PKIB: variants seen among roughly 807,000 people sequenced by gnomAD.
PKIB encodes the protein PKI-beta.
In PKIB, 2 loss-of-function variants were observed where a neutral mutation model predicts 4.5. The ratio of observed to expected loss-of-function variants is 0.44; its 90% CI spans 0.18 to 1.39. The LOEUF (loss-of-function observed/expected upper bound fraction) is 1.39. Ranked by LOEUF, PKIB falls within the 40% of genes most tolerant of loss-of-function variation. The pLI is 0.27. For synonymous variants in PKIB, 38 were observed against 36.0 expected, an observed-to-expected ratio of 1.06 and a Z score of -0.20; for missense variants, 94 against 92.6, an observed-to-expected ratio of 1.02 and a Z score of -0.06.
chr6:122,575,321 A>G (rs115243260), intron 2 of PKIB, among the ~76,000 whole-genome samples: 100 of 152,310 alleles, frequency 6.6e-4, no homozygotes, highest in African/African-American at 2.4e-3. Context: ...AATTAGTACA[A>G]CCACGATGGA....
chr6:122,560,250 A>C (rs1020221559), intron 2 of PKIB, among the ~76,000 whole-genome samples: 1 of 151,940 alleles, frequency 6.6e-6, no homozygotes, highest in African/African-American at 2.4e-5. Context: ...TTCAGTCACA[A>C]GAGATGTTGG....
intron 2 of PKIB, among the ~76,000 whole-genome samples, chr6:122,509,269 A>G (rs993228670): frequency 1.3e-5 from 2 of 152,180 alleles, no homozygotes; most frequent in Admixed American, 1.3e-4. Context: ...TATTTAGGAT[A>G]ATGATTATTA....
chr6:122,669,612 A>T (rs1400857378), intron 2 of PKIB, among the ~76,000 whole-genome samples: 1 of 152,100 alleles, frequency 6.6e-6, no homozygotes, highest in Non-Finnish European at 1.5e-5. Flanking sequence ...AAAATTGCTG[A>T]CATTTCTATT....
At chr6:122,682,445 AATTT>A (rs1777933605) in intron 3 of PKIB, among the ~76,000 whole-genome samples, 2 of 152,190 alleles carry the variant, frequency 1.3e-5, no homozygotes, top group East Asian at 1.9e-4. Flanking sequence ...TATAAAAAAT[AATTT>A]ATTTAAAGTA....
At chr6:122,560,574 C>A (rs889530331) in intron 2 of PKIB, among the ~76,000 whole-genome samples, 5 of 152,024 alleles carry the variant, frequency 3.3e-5, no homozygotes, top group African/African-American at 7.2e-5. Context: ...GGGAGGGTTC[C>A]TTCTTTCTCT....
chr6:122,720,031 T>C (rs919620354), intron 4 of PKIB, among the ~76,000 whole-genome samples: 2 of 152,188 alleles, frequency 1.3e-5, no homozygotes, highest in Non-Finnish European at 2.9e-5. Context: ...GATGTTATTA[T>C]GAATTTTAAA....
intron 2 of PKIB, among the ~76,000 whole-genome samples, chr6:122,578,379 A>G (rs1395393005): frequency 6.6e-6 from 1 of 152,108 alleles, no homozygotes; most frequent in Non-Finnish European, 1.5e-5. Context: ...CCTTTTCGGT[A>G]TCTTTCAAGC....
At chr6:122,540,699 G>A (rs1562244463) in intron 2 of PKIB, among the ~76,000 whole-genome samples, 2 of 152,040 alleles carry the variant, frequency 1.3e-5, no homozygotes, top group African/African-American at 4.8e-5. Context: ...AATTAGGTCT[G>A]CTTGGTGCAG....
chr6:122,687,316 A>G (rs529948177), intron 3 of PKIB, among the ~76,000 whole-genome samples: 5 of 152,058 alleles, frequency 3.3e-5, no homozygotes, highest in African/African-American at 4.8e-5. Context: ...ATTCTATTCC[A>G]TTGGTCTATA....
intron 2 of PKIB, among the ~76,000 whole-genome samples, chr6:122,490,260 T>C (rs1775900163): frequency 6.6e-6 from 1 of 152,234 alleles, no homozygotes; most frequent in Admixed American, 6.5e-5. Context: ...TATATAGTTA[T>C]GTTTGTAGTT....
rs529240010 is a variant in PKIB, at chr6:122,569,147, C to T, written c.-247-16774C>T. ...CCCAAGGAGAGTCAGAGCACAGACC[C>T]GCCTAACCCTATCCCCAACTGGCTG... On this transcript the variant is annotated intron_variant, in intron 2 of 6. Transcript: ENST00000392491. 2.0e-5 allele frequency among the ~76,000 whole-genome samples: 3 copies of T among 152,282 alleles called. No individual in the cohort carries two copies. In the South Asian group the frequency reaches 6.2e-4, roughly 32 times the overall value.
At chr6:122,704,945 C>T (rs764079382) in intron 3 of PKIB, among the ~76,000 whole-genome samples, 32 of 152,152 alleles carry the variant, frequency 2.1e-4, no homozygotes, top group Non-Finnish European at 4.0e-4. Flanking sequence ...GTAGCTCTAA[C>T]TATTCGGGAG....
intron 3 of PKIB, among the ~76,000 whole-genome samples, chr6:122,679,911 C>A (rs556877685): frequency 6.6e-6 from 1 of 152,260 alleles, no homozygotes; most frequent in African/African-American, 2.4e-5. Context: ...TGTATAAGGT[C>A]CCTTAGATAA....
At chr6:122,518,946 A>G (rs1445402097) in intron 2 of PKIB, among the ~76,000 whole-genome samples, 1 of 152,228 alleles carries the variant, frequency 6.6e-6, no homozygotes, top group Non-Finnish European at 1.5e-5. Context: ...TGAAATAGAA[A>G]GATGCCTCAC....
At chr6:122,506,867 T>C (rs963114694) in intron 2 of PKIB, among the ~76,000 whole-genome samples, 2 of 150,512 alleles carry the variant, frequency 1.3e-5, no homozygotes, top group African/African-American at 2.4e-5. Context: ...GCCCGGCTAA[T>C]TTTTTTTGTA....
At chr6:122,633,929 C>CCTATCTATCTAT (rs61254507) in intron 2 of PKIB, among the ~76,000 whole-genome samples, 21,189 of 145,796 alleles carry the variant, frequency 0.15, 1,592 homozygotes, top group South Asian at 0.17. Flanking sequence ...AGATATCTGT[C>CCTATCTATCTAT]CTATCTATCT....
At chr6:122,569,312 A>G (rs532158221) in intron 2 of PKIB, among the ~76,000 whole-genome samples, 2 of 152,322 alleles carry the variant, frequency 1.3e-5, no homozygotes, top group South Asian at 2.1e-4. Flanking sequence ...CTACTACCAC[A>G]GCTGGTGCTC....
At chr6:122,677,611 A>C (rs892360140) in intron 3 of PKIB, among the ~76,000 whole-genome samples, 2 of 152,226 alleles carry the variant, frequency 1.3e-5, no homozygotes, top group Non-Finnish European at 2.9e-5. Context: ...TGTCAAGCCC[A>C]TAAATTTCAG....
intron 3 of PKIB, among the ~76,000 whole-genome samples, chr6:122,603,529 A>G (rs1774439317): frequency 1.3e-5 from 2 of 152,128 alleles, no homozygotes; most frequent in Admixed American, 1.3e-4. Flanking sequence ...CTTAGGCTAG[A>G]GTACAGTGGT....
Sources: allele counts gnomAD v4.1 joint callset (sites outside exome capture counted in the v4.1 genomes callset), GRCh38; gene constraint gnomAD v4.1.1; transcripts MANE v1.5; gene names NCBI Gene and HGNC (gene_info 2026-07-23, HGNC 2026-07-21).